The following SGMS1 variants were observed in gnomAD, a reference collection of about 807,000 sequenced individuals.
The protein encoded by SGMS1 is sphingomyelin synthase 1.
A neutral mutation model predicts 46.2 loss-of-function variants in SGMS1; 13 were observed. The ratio of observed to expected loss-of-function variants is 0.28; its 90% CI spans 0.18 to 0.45. The LOEUF (loss-of-function observed/expected upper bound fraction) is 0.45, where lower values mean the gene tolerates loss of function less well. SGMS1 is among the 20% of genes least tolerant of loss of function. The pLI, the probability that SGMS1 is intolerant of heterozygous loss-of-function variation, is 1.00. For missense variants in SGMS1, 324 were observed against 519.9 expected (o/e 0.62, Z 3.66); for synonymous variants, 203 against 187.8 (o/e 1.08, Z -0.66).
At chr10:50,421,173 A>G (rs1341332413) in intron 6 of SGMS1, among the ~76,000 whole-genome samples, 1 of 152,194 alleles carries the variant, frequency 6.6e-6, no homozygotes, top group Non-Finnish European at 1.5e-5. Flanking sequence ...CGGTGAAACT[A>G]CGGGTCCAGT....
intron 2 of SGMS1, among the ~76,000 whole-genome samples, chr10:50,558,368 T>G (rs1306887673): frequency 6.6e-6 from 1 of 152,226 alleles, no homozygotes; most frequent in East Asian, 1.9e-4. Flanking sequence ...GTACTGAATC[T>G]AATTCCCAGA....
At chr10:50,599,974 C>G (rs988409796) in intron 1 of SGMS1, among the ~76,000 whole-genome samples, 3 of 152,222 alleles carry the variant, frequency 2.0e-5, no homozygotes, top group Admixed American at 6.5e-5. Flanking sequence ...AACTGACCAA[C>G]TGAAATATGA....
chr10:50,603,091 CAT>C (rs888723014), intron 1 of SGMS1, among the ~76,000 whole-genome samples: 5 of 152,200 alleles, frequency 3.3e-5, no homozygotes, highest in Admixed American at 1.3e-4. Flanking sequence ...ACCAGAAAAA[CAT>C]AACCACATTC....
intron 3 of SGMS1, among the ~76,000 whole-genome samples, chr10:50,486,893 G>C (rs1234698800): frequency 6.6e-6 from 1 of 152,172 alleles, no homozygotes; most frequent in Non-Finnish European, 1.5e-5. Flanking sequence ...CAATAGTAAA[G>C]ACACAGAATC....
intron 6 of SGMS1, among the ~76,000 whole-genome samples, chr10:50,416,909 G>T (rs1424993311): frequency 7.1e-6 from 1 of 140,930 alleles, no homozygotes; most frequent in Non-Finnish European, 1.5e-5. Flanking sequence ...CAGCTGCAAA[G>T]AATTTTCTTC....
intron 2 of SGMS1, among the ~76,000 whole-genome samples, chr10:50,568,070 A>C (rs1242283412): frequency 6.6e-6 from 1 of 152,206 alleles, no homozygotes; most frequent in Admixed American, 6.5e-5. Flanking sequence ...GAATTTCACA[A>C]TTTTCTAAAC....
intron 6 of SGMS1, among the ~76,000 whole-genome samples, chr10:50,362,800 G>C (rs545981526): frequency 2.0e-5 from 3 of 152,264 alleles, no homozygotes; most frequent in African/African-American, 7.2e-5. Flanking sequence ...AACAAGACAT[G>C]ATTTTTTTCT....
chr10:50,614,642 G>C (rs1452442055), intron 1 of SGMS1, among the ~76,000 whole-genome samples: 1 of 152,204 alleles, frequency 6.6e-6, no homozygotes, highest in Non-Finnish European at 1.5e-5. Context: ...AGCAGCCTTC[G>C]AGTGATTCTG....
intron 3 of SGMS1, among the ~76,000 whole-genome samples, chr10:50,516,032 C>A (rs1396413615): frequency 6.6e-6 from 1 of 152,076 alleles, no homozygotes; most frequent in African/African-American, 2.4e-5. Context: ...AAAGAGACTG[C>A]AAATTAGAGA....
chr10:50,417,164 C>A (rs987715054), intron 6 of SGMS1, among the ~76,000 whole-genome samples: 3 of 152,168 alleles, frequency 2.0e-5, no homozygotes, highest in African/African-American at 7.2e-5. Flanking sequence ...TCACAGGATT[C>A]CACTTTCCCT....
At chr10:50,435,551 A>C (rs1224338355) in intron 5 of SGMS1, among the ~76,000 whole-genome samples, 1 of 152,234 alleles carries the variant, frequency 6.6e-6, no homozygotes, top group African/African-American at 2.4e-5. Flanking sequence ...AGCCTTTATT[A>C]ACATGGGCAC....
intron 3 of SGMS1, among the ~76,000 whole-genome samples, chr10:50,508,287 A>G (rs1252582439): frequency 6.6e-6 from 1 of 152,212 alleles, no homozygotes; most frequent in African/African-American, 2.4e-5. Flanking sequence ...GCTGAGACTC[A>G]GGGGCCATAA....
At chr10:50,562,700 T>C (rs1431981574) in intron 2 of SGMS1, among the ~76,000 whole-genome samples, 4 of 152,100 alleles carry the variant, frequency 2.6e-5, no homozygotes, top group South Asian at 4.1e-4. Flanking sequence ...CCCGCCCCTA[T>C]GCCCGGCTAA....
At chr10:50,573,802 T>C (rs746923805) in intron 2 of SGMS1, among the ~76,000 whole-genome samples, 6 of 152,158 alleles carry the variant, frequency 3.9e-5, no homozygotes, top group Non-Finnish European at 7.4e-5. Context: ...ATGAAAACAT[T>C]ATGGTACTGG....
intron 6 of SGMS1, among the ~76,000 whole-genome samples, chr10:50,424,180 A>G (rs1849293322): frequency 6.6e-6 from 1 of 152,224 alleles, no homozygotes; most frequent in Non-Finnish European, 1.5e-5. Context: ...GAAGATTGAG[A>G]GCGAATGTAT....
chr10:50,528,386 T>A (rs973716566), intron 2 of SGMS1, among the ~76,000 whole-genome samples: 2 of 152,132 alleles, frequency 1.3e-5, no homozygotes, highest in African/African-American at 2.4e-5. Context: ...TGGTACTGAT[T>A]TTACATATGA....
chr10:50,564,738 G>C (rs1429138464), intron 2 of SGMS1, among the ~76,000 whole-genome samples: 1 of 151,906 alleles, frequency 6.6e-6, no homozygotes, highest in Non-Finnish European at 1.5e-5. Flanking sequence ...ATGAGACAAT[G>C]GCAGATAATC....
intron 3 of SGMS1, among the ~76,000 whole-genome samples, chr10:50,507,018 G>A (rs769054117): frequency 6.6e-6 from 1 of 152,126 alleles, no homozygotes; most frequent in Non-Finnish European, 1.5e-5. Flanking sequence ...TGCTGGTACC[G>A]AATGGGAAAC....
At chr10:50,383,941 T>C (rs1848645346) in intron 6 of SGMS1, among the ~76,000 whole-genome samples, 1 of 152,136 alleles carries the variant, frequency 6.6e-6, no homozygotes, top group Non-Finnish European at 1.5e-5. Context: ...TGGGGATAAT[T>C]AGATCATGAT....
Sources: gnomAD v4.1 joint callset for allele counts (sites outside exome capture counted in the v4.1 genomes callset) on GRCh38, gnomAD v4.1.1 for gene constraint, MANE v1.5 for transcripts, NCBI Gene and HGNC (gene_info 2026-07-23, HGNC 2026-07-21) for gene names.